Variants in ZNF804B observed in about 807,000 individuals in gnomAD.
ZNF804B encodes the protein zinc finger 804B.
In ZNF804B, 80 loss-of-function variants were observed where a neutral mutation model predicts 101.4. The observed-to-expected ratio is 0.79, with a 90% confidence interval of 0.66 to 0.95. The LOEUF (loss-of-function observed/expected upper bound fraction) is 0.95, where lower values mean the gene tolerates loss of function less well. Ranked by LOEUF, ZNF804B falls within the 40% of genes least tolerant of loss-of-function variation. The pLI is 0.00. For missense variants in ZNF804B, 1,673 were observed against 1,561.9 expected, an observed-to-expected ratio of 1.07 and a Z score of -1.20; for synonymous variants, 622 against 558.8, an observed-to-expected ratio of 1.11 and a Z score of -1.59.
intron 1 of ZNF804B, among the ~76,000 whole-genome samples, chr7:88,776,780 A>ACCCCCCCCCCCCCCC (rs10707553): frequency 3.6e-5 from 3 of 83,492 alleles, no homozygotes; most frequent in Non-Finnish European, 4.8e-5. Context: ...TAACCCATAA[A>ACCCCCCCCCCCCCCC]CCCCCCCCCC....
chr7:89,046,868 T>C (rs533207829), intron 1 of ZNF804B, among the ~76,000 whole-genome samples: 63 of 151,794 alleles, frequency 4.2e-4, no homozygotes, highest in Non-Finnish European at 4.4e-5. Context: ...ATTATATCAC[T>C]GGTGCAGTCC....
chr7:89,123,252 T>C (rs1055325115), intron 1 of ZNF804B, among the ~76,000 whole-genome samples: 2 of 151,946 alleles, frequency 1.3e-5, no homozygotes, highest in African/African-American at 4.8e-5. Flanking sequence ...AATAACCTAG[T>C]TGTGAACTCA....
At chr7:88,959,490 T>C (rs1365206701) in intron 1 of ZNF804B, among the ~76,000 whole-genome samples, 2 of 151,290 alleles carry the variant, frequency 1.3e-5, no homozygotes. Flanking sequence ...GAAACTCTTA[T>C]TTTTATTTTA....
At chr7:89,193,436 A>G (rs1584044117) in intron 1 of ZNF804B, among the ~76,000 whole-genome samples, 2 of 150,604 alleles carry the variant, frequency 1.3e-5, no homozygotes, top group East Asian at 4.0e-4. Context: ...AGCATTAGGT[A>G]TACATCCTAA....
At chr7:89,017,694 T>G (rs1044513660) in intron 1 of ZNF804B, among the ~76,000 whole-genome samples, 1 of 152,202 alleles carries the variant, frequency 6.6e-6, no homozygotes, top group Non-Finnish European at 1.5e-5. Flanking sequence ...CATCAATTTC[T>G]TTCATCAGTG....
At chr7:89,104,894 T>C (rs535140588) in intron 1 of ZNF804B, among the ~76,000 whole-genome samples, 1 of 152,228 alleles carries the variant, frequency 6.6e-6, no homozygotes, top group East Asian at 1.9e-4. Context: ...TGTTCAGTAG[T>C]GAGCTGTTTG....
intron 1 of ZNF804B, among the ~76,000 whole-genome samples, chr7:88,945,487 C>T (rs1381696621): frequency 6.6e-6 from 1 of 152,098 alleles, no homozygotes; most frequent in Non-Finnish European, 1.5e-5. Context: ...GTTTTGTTTA[C>T]TGTAGCCTTG....
intron 1 of ZNF804B, among the ~76,000 whole-genome samples, chr7:89,138,931 TAA>T (rs1790676627): frequency 6.6e-6 from 1 of 152,122 alleles, no homozygotes; most frequent in South Asian, 2.1e-4. Context: ...CTTTCTCTTG[TAA>T]ATTGCCCAGT....
chr7:88,823,831 G>T (rs1791017857), intron 1 of ZNF804B, among the ~76,000 whole-genome samples: 1 of 152,048 alleles, frequency 6.6e-6, no homozygotes, highest in Admixed American at 6.6e-5. Context: ...GGAAGAAAAT[G>T]TCAGTAAAAA....
intron 1 of ZNF804B, among the ~76,000 whole-genome samples, chr7:88,955,474 T>G (rs893830626): frequency 6.6e-6 from 1 of 151,704 alleles, no homozygotes; most frequent in Non-Finnish European, 1.5e-5. Context: ...GGTGTGTATA[T>G]TTCAATCTCA....
intron 1 of ZNF804B, among the ~76,000 whole-genome samples, chr7:88,762,995 C>T (rs1048795663): frequency 2.0e-5 from 3 of 152,128 alleles, no homozygotes; most frequent in Non-Finnish European, 2.9e-5. Flanking sequence ...CTACTTTCTA[C>T]CTCTGCTACA....
At chr7:89,210,397 G>A (rs1468784167) in intron 1 of ZNF804B, among the ~76,000 whole-genome samples, 1 of 152,084 alleles carries the variant, frequency 6.6e-6, no homozygotes, top group South Asian at 2.1e-4. Flanking sequence ...TTGTTACATA[G>A]GTAAACGTGT....
rs1309095139 is a variant in ZNF804B at position 89,333,557 on chromosome 7, A to C, written c.575A>C (p.Gln192Pro). ...ACCATGCCAAATCGACACCAATTACAATCAGACAGGCGTTGTTTGTTTGGA... is the reference window on the plus strand; with the variant it reads ...ACCATGCCAAATCGACACCAATTACCATCAGACAGGCGTTGTTTGTTTGGA... The part of the protein sequence containing the change: ...RSTMPNRHQL[Q>P]SDRRCLFGNQ... Residue 192 changes from glutamine (Q) to proline (P), a missense_variant, in exon 4 of 4, where the codon CAA becomes CCA. Physicochemically the swap from Gln to Pro is moderately conservative, Grantham distance 76. Coordinates refer to ENST00000333190, the MANE Select transcript of ZNF804B (RefSeq NM_181646.5). 1.2e-6 allele frequency: 2 copies of C among 1,613,434 alleles called. No homozygotes were observed. Among genetic ancestry groups the C allele is most frequent in the Non-Finnish European group, 1.7e-6 (2 of 1,179,690 alleles).
rs374197635 is a variant in ZNF804B, at chr7:89,290,195, G to A, written c.250-37149G>A. Among the ~76,000 whole-genome samples, 12 of 152,220 alleles carry A rather than the reference G, an allele frequency of 7.9e-5. No individual in the cohort carries two copies. The East Asian group carries it at 1.9e-3, about 25-fold the overall frequency. ...TCCTAACTAAAGAGCACATGGGCAC[G>A]GAATAACAGGCAGCAATACCCAGTT... On this transcript the variant is annotated intron_variant, in intron 2 of 3. Transcript: ENST00000333190.
intron 2 of ZNF804B, among the ~76,000 whole-genome samples, chr7:89,255,652 A>T (rs1789618446): frequency 6.6e-6 from 1 of 152,228 alleles, no homozygotes; most frequent in African/African-American, 2.4e-5. Flanking sequence ...AGTATAGGAA[A>T]ATATCTTTAT....
intron 1 of ZNF804B, among the ~76,000 whole-genome samples, chr7:89,009,007 G>C (rs750945082): frequency 3.9e-5 from 6 of 152,080 alleles, no homozygotes; most frequent in Non-Finnish European, 8.8e-5. Flanking sequence ...CAGACTCCTG[G>C]ATCATGAGTA....
At chr7:89,191,879 T>TG (rs1788459685) in intron 1 of ZNF804B, among the ~76,000 whole-genome samples, 1 of 152,098 alleles carries the variant, frequency 6.6e-6, no homozygotes, top group African/African-American at 2.4e-5. Flanking sequence ...GTTCATCCCG[T>TG]AAGAATAGCT....
rs374195735 is a variant in ZNF804B, at chr7:89,279,794, G to T, written c.250-47550G>T. ...GATTTTTGCATCAATGTTCATCAAGGATATTGGTCTAAAATTCTCTTTTTT... is the reference window on the plus strand; with the variant it reads ...GATTTTTGCATCAATGTTCATCAAGTATATTGGTCTAAAATTCTCTTTTTT... On this transcript the variant is annotated intron_variant, in intron 2 of 3. Coordinates refer to ENST00000333190, the MANE Select transcript of ZNF804B (RefSeq NM_181646.5). Among the ~76,000 whole-genome samples, 55 of 151,998 alleles carry T rather than the reference G, an allele frequency of 3.6e-4. No individual in the cohort carries two copies. The East Asian group carries it at 8.2e-3, about 23-fold the overall frequency.
chr7:89,248,371 A>G (rs1789483860), intron 2 of ZNF804B, among the ~76,000 whole-genome samples: 1 of 151,996 alleles, frequency 6.6e-6, no homozygotes, highest in African/African-American at 2.4e-5. Context: ...AGGTCAAATT[A>G]TGTACAAAGG....
Sources: allele counts gnomAD v4.1 joint callset (sites outside exome capture counted in the v4.1 genomes callset), GRCh38; gene constraint gnomAD v4.1.1; transcripts MANE v1.5; gene names NCBI Gene and HGNC (gene_info 2026-07-23, HGNC 2026-07-21).